Variants in CNTN5 observed in about 807,000 individuals in gnomAD.
CNTN5 encodes contactin-5.
A neutral mutation model predicts 129.1 loss-of-function variants in CNTN5; 77 were observed. The observed-to-expected ratio is 0.60, with a 90% CI of 0.50 to 0.72. The LOEUF (loss-of-function observed/expected upper bound fraction) is 0.72. Ranked by LOEUF, CNTN5 falls within the 30% of genes least tolerant of loss-of-function variation. The pLI, the probability that CNTN5 is intolerant of heterozygous loss-of-function variation, is 0.00. For synonymous variants in CNTN5, 509 were observed against 465.6 expected, an observed-to-expected ratio of 1.09 and a Z score of -1.20; for missense variants, 1,478 against 1,328.8, an observed-to-expected ratio of 1.11 and a Z score of -1.75.
At chr11:99,343,179 C>T (rs1866601455) in intron 2 of CNTN5, among the ~76,000 whole-genome samples, 1 of 151,980 alleles carries the variant, frequency 6.6e-6, no homozygotes, top group Non-Finnish European at 1.5e-5. Context: ...ATCTTTATCA[C>T]CTGGGAAATG....
chr11:100,045,416 C>T (rs967150655), intron 9 of CNTN5, among the ~76,000 whole-genome samples: 1 of 151,620 alleles, frequency 6.6e-6, no homozygotes, highest in African/African-American at 2.4e-5. Context: ...TAGAAATGAT[C>T]CAAAGATTAG....
intron 13 of CNTN5, among the ~76,000 whole-genome samples, chr11:100,149,620 C>T (rs1419593766): frequency 1.3e-5 from 2 of 151,862 alleles, no homozygotes; most frequent in South Asian, 2.1e-4. Flanking sequence ...GGGCCAGGTG[C>T]GGTAGCTCAC....
chr11:100,269,665 TAA>T (rs1950372606), intron 17 of CNTN5, among the ~76,000 whole-genome samples: 1 of 152,118 alleles, frequency 6.6e-6, no homozygotes, highest in Non-Finnish European at 1.5e-5. Context: ...TGACAGATCA[TAA>T]ATTCCAACTG....
chr11:99,905,639 A>G (rs1442145714), intron 6 of CNTN5, among the ~76,000 whole-genome samples: 1 of 152,142 alleles, frequency 6.6e-6, no homozygotes, highest in Non-Finnish European at 1.5e-5. Flanking sequence ...TTTTGGTTCC[A>G]TATGAAATTT....
chr11:99,337,636 G>C (rs967482284), intron 2 of CNTN5, among the ~76,000 whole-genome samples: 1 of 152,130 alleles, frequency 6.6e-6, no homozygotes. Flanking sequence ...GTGTTATGGC[G>C]ATTATGGACA....
At chr11:99,151,202 CT>C (rs934465446) in intron 1 of CNTN5, among the ~76,000 whole-genome samples, 1 of 150,824 alleles carries the variant, frequency 6.6e-6, no homozygotes, top group African/African-American at 2.4e-5. Context: ...GCTTTGTCAA[CT>C]TTTTTTTTAA....
intron 8 of CNTN5, among the ~76,000 whole-genome samples, chr11:99,986,172 A>T (rs1374254906): frequency 2.0e-5 from 3 of 151,996 alleles, no homozygotes; most frequent in Admixed American, 2.0e-4. Flanking sequence ...TCTAGGTGAG[A>T]TTACATAGTC....
At chr11:99,746,874 TCTTTTA>T (rs1944071588) in intron 3 of CNTN5, among the ~76,000 whole-genome samples, 1 of 152,218 alleles carries the variant, frequency 6.6e-6, no homozygotes, top group Non-Finnish European at 1.5e-5. Context: ...TTAGCTTTGT[TCTTTTA>T]CTTAAGATTA....
intron 3 of CNTN5, among the ~76,000 whole-genome samples, chr11:99,587,175 A>ATCCGCTGG (rs1949820449): frequency 6.6e-6 from 1 of 152,188 alleles, no homozygotes; most frequent in Admixed American, 6.5e-5. Context: ...AGTATGGGTA[A>ATCCGCTGG]TCCGCTGGAT....
intron 21 of CNTN5, among the ~76,000 whole-genome samples, chr11:100,335,181 G>A (rs567643277): frequency 6.6e-6 from 1 of 152,016 alleles, no homozygotes; most frequent in African/African-American, 2.4e-5. Context: ...ATTTTAACAA[G>A]TGTGAAAAAT....
intron 7 of CNTN5, among the ~76,000 whole-genome samples, chr11:99,936,328 C>T (rs1308337394): frequency 3.9e-5 from 6 of 152,140 alleles, no homozygotes; most frequent in African/African-American, 9.7e-5. Flanking sequence ...CTGTTGTTTG[C>T]GTTTAGTAAA....
At chr11:99,256,671 C>G (rs940649045) in intron 1 of CNTN5, among the ~76,000 whole-genome samples, 8 of 151,822 alleles carry the variant, frequency 5.3e-5, no homozygotes, top group Admixed American at 3.3e-4. Context: ...TTCCTGTAAG[C>G]AAGGGACTCT....
intron 3 of CNTN5, among the ~76,000 whole-genome samples, chr11:99,574,152 AGT>A: frequency 6.6e-6 from 1 of 152,192 alleles, no homozygotes; most frequent in East Asian, 1.9e-4. Context: ...GAGAACGTGC[AGT>A]GTTTTCTTTT....
chr11:100,271,315 A>T (rs1591458891), intron 18 of CNTN5, 74 bp downstream of exon 18: 2 of 1,006,606 alleles, frequency 2.0e-6, no homozygotes, highest in African/African-American at 1.6e-5. Context: ...ATTAACCATG[A>T]TTGCTCCATT....
chr11:99,122,601 C>T (rs538112305), intron 1 of CNTN5, among the ~76,000 whole-genome samples: 1 of 151,962 alleles, frequency 6.6e-6, no homozygotes, highest in Non-Finnish European at 1.5e-5. Flanking sequence ...TATAAGTAAA[C>T]TACCTGTCAC....
intron 1 of CNTN5, among the ~76,000 whole-genome samples, chr11:99,309,261 CTTA>C (rs1865003686): frequency 6.8e-6 from 1 of 147,340 alleles, no homozygotes; most frequent in Admixed American, 6.9e-5. Context: ...ACAAGTGATA[CTTA>C]TAAACTATTG....
At chr11:99,156,558 T>A (rs896723098) in intron 1 of CNTN5, among the ~76,000 whole-genome samples, 2 of 152,046 alleles carry the variant, frequency 1.3e-5, no homozygotes, top group African/African-American at 4.8e-5. Context: ...TTTAGGACTT[T>A]CTCTACAAAA....
At chr11:99,606,626 GC>G (rs1950425495) in intron 3 of CNTN5, among the ~76,000 whole-genome samples, 2 of 137,706 alleles carry the variant, frequency 1.5e-5, no homozygotes, top group Admixed American at 1.4e-4. Context: ...CCAAAAAAGA[GC>G]CCGCATCACC....
chr11:99,844,565 T>C, intron 4 of CNTN5: 1 of 392,674 alleles, frequency 2.5e-6, no homozygotes. Flanking sequence ...TTCAGTCTGA[T>C]TTTGAAAAAT....
Sources: allele counts gnomAD v4.1 joint callset (sites outside exome capture counted in the v4.1 genomes callset), GRCh38; gene constraint gnomAD v4.1.1; transcripts MANE v1.5; gene names NCBI Gene and HGNC (gene_info 2026-07-23, HGNC 2026-07-21).